The following PTPN4 variants were observed in gnomAD, a reference collection of about 807,000 sequenced individuals.
PTPN4 encodes protein tyrosine phosphatase non-receptor type 4, also known as tyrosine-protein phosphatase non-receptor type 4.
PTPN4 carries 49 observed loss-of-function variants against 135.5 expected under a neutral mutation model. The observed-to-expected ratio is 0.36, with a 90% CI of 0.29 to 0.46. PTPN4 has a LOEUF of 0.46. Among genes scored for constraint, PTPN4 ranks in the 20% least tolerant of loss-of-function variants. The pLI is 1.00. For synonymous variants in PTPN4, 333 were observed against 369.9 expected, an observed-to-expected ratio of 0.90 and a Z score of 1.14; for missense variants, 860 against 1,101.0, an observed-to-expected ratio of 0.78 and a Z score of 3.10.
rs1679470102 is a variant in PTPN4 at position 119,967,992 on chromosome 2, T to C, written c.2694+20T>C. 3 of 1,514,356 alleles carry C rather than the reference T, an allele frequency of 2.0e-6. No individual in the cohort carries two copies. 93.8% of individuals were successfully genotyped at this position (1,514,356 alleles called of 1,614,324 possible). ...ACACCTGTGAGTACTGTACTTTATA[T>C]ACAAGTGTATATTCTTAACATGATG... On this transcript the variant is annotated intron_variant, in intron 26 of 26. Coordinates refer to ENST00000263708, the MANE Select transcript of PTPN4 (RefSeq NM_002830.4).
chr2:119,918,973 CAT>C (rs1036081134), intron 11 of PTPN4, among the ~76,000 whole-genome samples: 1 of 152,140 alleles, frequency 6.6e-6, no homozygotes, highest in Non-Finnish European at 1.5e-5. Flanking sequence ...CCTAAAGACA[CAT>C]ATGTTTGATT....
At chr2:119,806,709 C>T (rs980209083) in intron 1 of PTPN4, among the ~76,000 whole-genome samples, 12 of 152,132 alleles carry the variant, frequency 7.9e-5, no homozygotes, top group African/African-American at 1.4e-4. Context: ...TTGAACTCAG[C>T]GCTGCACCAA....
At chr2:119,762,606 A>G (rs1044689916) in intron 1 of PTPN4, among the ~76,000 whole-genome samples, 5 of 152,090 alleles carry the variant, frequency 3.3e-5, no homozygotes, top group African/African-American at 1.2e-4. Flanking sequence ...CCCCCGCTTG[A>G]GAGTTAATAT....
Position 119,818,238 on chromosome 2 carries a change from A to G in PTPN4, c.138+8247A>G, listed in dbSNP as rs562149252. On this transcript the variant is annotated intron_variant, in intron 2 of 26. Transcript: ENST00000263708. ...TAAGCTAGAGCCTCCTTGTCTACAC[A>G]TATATTTACATCACCCCTAAATCTG... Among the ~76,000 whole-genome samples, 22 of 151,272 alleles carry G rather than the reference A, an allele frequency of 1.5e-4. No individual in the cohort carries two copies. In the South Asian group the frequency reaches 4.6e-3, roughly 32 times the overall value.
In PTPN4 at chr2:119,955,335, C is replaced by T. The variant is rs1359362920; in HGVS notation, c.1980+12C>T. On this transcript the variant is annotated intron_variant, in intron 20 of 26. Transcript: ENST00000263708. ...TGACACAGTTTGATGTAAGTAATAT[C>T]ATTATATATTAAAAGCATTTTGCTG... The T allele has an allele frequency of 1.9e-6, 3 of 1,542,860 alleles. No individual in the cohort carries two copies. In the East Asian group the frequency reaches 6.9e-5, roughly 36 times the overall value.
At chr2:119,862,778 T>C in intron 3 of PTPN4, 135 bp downstream of exon 3, 1 of 581,206 alleles carries the variant, frequency 1.7e-6, no homozygotes, top group Non-Finnish European at 2.8e-6. Context: ...GGTAATTCTT[T>C]TGCTTTTGTT....
chr2:119,973,227 C>T (rs571388794), intron 26 of PTPN4, among the ~76,000 whole-genome samples: 5 of 152,132 alleles, frequency 3.3e-5, no homozygotes, highest in South Asian at 2.1e-4. Context: ...AGTTTGACTA[C>T]TCTAGATACT....
At chr2:119,777,174 C>G (rs1690850926) in intron 1 of PTPN4, among the ~76,000 whole-genome samples, 1 of 152,166 alleles carries the variant, frequency 6.6e-6, no homozygotes, top group South Asian at 2.1e-4. Flanking sequence ...CACTGGCAGA[C>G]TTGTTCCTAC....
intron 10 of PTPN4, among the ~76,000 whole-genome samples, chr2:119,904,471 A>C (rs1056240565): frequency 6.6e-6 from 1 of 152,192 alleles, no homozygotes; most frequent in Non-Finnish European, 1.5e-5. Flanking sequence ...CATAAAAAAA[A>C]AACCTATTTA....
At chr2:119,973,652 C>CTTTT (rs1553481271) in intron 26 of PTPN4, among the ~76,000 whole-genome samples, 35 of 18,064 alleles carry the variant, frequency 1.9e-3, no homozygotes, top group Admixed American at 3.5e-3. Flanking sequence ...TCCTTCATTT[C>CTTTT]TTGTTTTTTT....
intron 1 of PTPN4, among the ~76,000 whole-genome samples, chr2:119,760,994 G>T (rs1690482255): frequency 6.6e-6 from 1 of 152,070 alleles, no homozygotes; most frequent in African/African-American, 2.4e-5. Flanking sequence ...CAAAACTTAG[G>T]GTGGAAGATT....
intron 1 of PTPN4, among the ~76,000 whole-genome samples, chr2:119,772,301 C>T (rs761735728): frequency 3.9e-5 from 6 of 152,200 alleles, no homozygotes; most frequent in Non-Finnish European, 1.5e-5. Flanking sequence ...TACTGTGACT[C>T]ATTTTGTATC....
chr2:119,899,989 T>C (rs182226412), intron 9 of PTPN4, among the ~76,000 whole-genome samples: 1 of 152,266 alleles, frequency 6.6e-6, no homozygotes, highest in East Asian at 1.9e-4. Flanking sequence ...GTGCCTCCTG[T>C]ATTAGGTTAC....
intron 1 of PTPN4, among the ~76,000 whole-genome samples, chr2:119,807,345 A>G (rs1367896869): frequency 6.6e-6 from 1 of 152,210 alleles, no homozygotes; most frequent in Non-Finnish European, 1.5e-5. Context: ...CTAATAAAGA[A>G]GAAAAGAGGG....
rs903915032 is a variant in PTPN4 at position 119,962,829 on chromosome 2, G to C, written c.2409+85G>C. 25 of 1,151,472 alleles carry C rather than the reference G, an allele frequency of 2.2e-5. No individual in the cohort carries two copies. In the African/African-American group the frequency reaches 2.7e-4, roughly 12 times the overall value. The allele number at this position is 1,151,472 out of a possible 1,614,324, so 71.3% of individuals were successfully genotyped here. A position where few individuals can be genotyped will look rare whatever the true frequency, so the allele number is the denominator to read the frequency against. On this transcript the variant is annotated intron_variant, in intron 24 of 26. Transcript: ENST00000263708. ...TGAAAATGTTTTTAGTTTGAGTATT[G>C]GTTGCTAGGAAATACTATAAGAATT...
At chr2:119,871,329 A>G (rs1238554746) in intron 3 of PTPN4, among the ~76,000 whole-genome samples, 2 of 151,954 alleles carry the variant, frequency 1.3e-5, no homozygotes, top group African/African-American at 4.8e-5. Flanking sequence ...GTATGGAAGA[A>G]TTTCTCTTGC....
chr2:119,951,928 G>A (rs1679216937), intron 18 of PTPN4, 45 bp from the exon 19 acceptor site: 3 of 1,490,786 alleles, frequency 2.0e-6, no homozygotes, highest in Non-Finnish European at 2.7e-6. Context: ...TCTACTTTCA[G>A]AAAGTTGCAT....
intron 2 of PTPN4, among the ~76,000 whole-genome samples, chr2:119,812,972 C>T (rs1306269032): frequency 5.9e-5 from 9 of 152,206 alleles, no homozygotes; most frequent in Non-Finnish European, 1.0e-4. Flanking sequence ...ACTGTGACTG[C>T]GTAAGAAATT....
chr2:119,943,630 A>C (rs1322469828), intron 15 of PTPN4, among the ~76,000 whole-genome samples: 1 of 130,234 alleles, frequency 7.7e-6, no homozygotes, highest in South Asian at 2.4e-4. Flanking sequence ...CTGTCGCCCA[A>C]GTTGGAGTGC....
Sources: allele counts gnomAD v4.1 joint callset (sites outside exome capture counted in the v4.1 genomes callset), GRCh38; gene constraint gnomAD v4.1.1; transcripts MANE v1.5; gene names NCBI Gene and HGNC (gene_info 2026-07-23, HGNC 2026-07-21).